Variants in CRPPA observed in about 807,000 individuals in gnomAD.
CRPPA encodes CDP-L-ribitol pyrophosphorylase A.
A neutral mutation model predicts 52.0 loss-of-function variants in CRPPA; 43 were observed. That is an observed-to-expected ratio of 0.83 (90% CI 0.65 to 1.07). CRPPA has a LOEUF of 1.07. Among genes scored for constraint, CRPPA ranks in the 50% least tolerant of loss-of-function variants. The probability of loss-of-function intolerance (pLI) is 0.00; values close to 1 mark genes in which losing one functional copy is unlikely to be tolerated. For synonymous variants in CRPPA, 250 were observed against 203.5 expected (o/e 1.23, Z -1.94); for missense variants, 629 against 551.7 (o/e 1.14, Z -1.40).
intron 2 of CRPPA, among the ~76,000 whole-genome samples, chr7:16,383,633 T>C (rs1482650037): frequency 6.6e-6 from 1 of 152,230 alleles, no homozygotes; most frequent in Non-Finnish European, 1.5e-5. Flanking sequence ...CTCCTTGAGC[T>C]GTGGTGGGCT....
At chr7:16,263,787 T>C (rs1415119728) in intron 6 of CRPPA, among the ~76,000 whole-genome samples, 1 of 151,866 alleles carries the variant, frequency 6.6e-6, no homozygotes, top group Non-Finnish European at 1.5e-5. Context: ...AATATAGATA[T>C]ATGGAAAGCA....
At chr7:16,232,029 C>A (rs1410608072) in intron 8 of CRPPA, among the ~76,000 whole-genome samples, 2 of 152,038 alleles carry the variant, frequency 1.3e-5, no homozygotes, top group African/African-American at 4.8e-5. Context: ...AGGTAGAGTA[C>A]CAGAGAGGAG....
At chr7:16,369,768 T>C (rs765563015) in intron 3 of CRPPA, among the ~76,000 whole-genome samples, 9 of 152,282 alleles carry the variant, frequency 5.9e-5, no homozygotes, top group Non-Finnish European at 1.2e-4. Context: ...CATTGTGATT[T>C]TTTTTTCCCC....
rs148115260 is a variant in CRPPA, at chr7:16,388,021, C to T, written c.535-11780G>A. On this transcript the variant is annotated intron_variant, in intron 2 of 9. Transcript: ENST00000407010. ...TGGGGGAGGCAAGGTCTTGCTCTGT[C>T]CCCCCAGGCTGGAGTCCGGTAGCAC... Among the ~76,000 whole-genome samples the T allele has an allele frequency of 8.4e-3, 1,271 of 152,206 alleles. 5 individuals are homozygous for T. The highest frequency in any genetic ancestry group is 0.014 in the Non-Finnish European group (947 of 68,002).
At chr7:16,279,641 G>A (rs1369813717) in intron 5 of CRPPA, among the ~76,000 whole-genome samples, 6 of 152,166 alleles carry the variant, frequency 3.9e-5, no homozygotes, top group Non-Finnish European at 5.9e-5. Flanking sequence ...GACAAGATCA[G>A]ATAACTCTAT....
intron 9 of CRPPA, among the ~76,000 whole-genome samples, chr7:16,202,598 G>C (rs1527223): frequency 0.72 from 109,468 of 151,928 alleles, 39,707 homozygotes; most frequent in Admixed American, 0.79. Context: ...ATAAGTAAAG[G>C]ATTTTGTGCC....
chr7:16,236,401 A>G (rs576741703), intron 8 of CRPPA, among the ~76,000 whole-genome samples: 2 of 152,200 alleles, frequency 1.3e-5, no homozygotes, highest in South Asian at 4.1e-4. Context: ...ATTTAAGTAA[A>G]ATTAAGTTCC....
intron 5 of CRPPA, among the ~76,000 whole-genome samples, chr7:16,299,841 A>G (rs939608330): frequency 6.6e-6 from 1 of 152,244 alleles, no homozygotes; most frequent in African/African-American, 2.4e-5. Flanking sequence ...ATAGGTTTTT[A>G]CATTTTTAAG....
chr7:16,399,638 A>C (rs1023077212), intron 2 of CRPPA, among the ~76,000 whole-genome samples: 25 of 151,876 alleles, frequency 1.6e-4, no homozygotes, highest in African/African-American at 6.1e-4. Context: ...TCGACACATG[A>C]TCGACATGTA....
chr7:16,388,420 T>G (rs190354586), intron 2 of CRPPA, among the ~76,000 whole-genome samples: 4 of 152,248 alleles, frequency 2.6e-5, no homozygotes, highest in Non-Finnish European at 5.9e-5. Context: ...GGAAAATGTA[T>G]AACTGTAAAT....
chr7:16,375,067 C>T (rs927549594), intron 3 of CRPPA, among the ~76,000 whole-genome samples: 4 of 152,196 alleles, frequency 2.6e-5, no homozygotes, highest in African/African-American at 9.6e-5. Flanking sequence ...CATCTGTGAC[C>T]TTCCAGTACC....
At chr7:16,197,337 AT>A (rs1781761827) in intron 9 of CRPPA, among the ~76,000 whole-genome samples, 1 of 152,050 alleles carries the variant, frequency 6.6e-6, no homozygotes, top group Non-Finnish European at 1.5e-5. Flanking sequence ...GAATCAGTAA[AT>A]TTTTTTCTTC....
At chr7:16,408,120 A>AT (rs1055784869) in intron 1 of CRPPA, among the ~76,000 whole-genome samples, 9 of 150,486 alleles carry the variant, frequency 6.0e-5, no homozygotes, top group South Asian at 4.2e-4. Flanking sequence ...AAAAAAAAAA[A>AT]ATAAAAAAAT....
At chr7:16,125,378 C>G (rs1782557862) in intron 9 of CRPPA, among the ~76,000 whole-genome samples, 1 of 151,818 alleles carries the variant, frequency 6.6e-6, no homozygotes, top group South Asian at 2.1e-4. Flanking sequence ...ATAAACAGTA[C>G]CAAGCATAGT....
chr7:16,177,276 A>T (rs979149204), intron 9 of CRPPA, among the ~76,000 whole-genome samples: 3 of 152,128 alleles, frequency 2.0e-5, no homozygotes, highest in Non-Finnish European at 2.9e-5. Context: ...GGTATTCTAG[A>T]TAGGTAGATT....
chr7:16,150,321 A>C (rs567267061), intron 9 of CRPPA, among the ~76,000 whole-genome samples: 1 of 152,312 alleles, frequency 6.6e-6, no homozygotes, highest in Non-Finnish European at 1.5e-5. Flanking sequence ...ATTTATTTTA[A>C]CTATTAAAAT....
At chr7:16,354,572 G>T (rs1486436900) in intron 3 of CRPPA, among the ~76,000 whole-genome samples, 1 of 152,106 alleles carries the variant, frequency 6.6e-6, no homozygotes, top group African/African-American at 2.4e-5. Context: ...AACTTACAAA[G>T]AAACTTGAGA....
In CRPPA at chr7:16,421,019, G is replaced by A. The variant is rs989215472; in HGVS notation, c.257+47C>T. On this transcript the variant is annotated intron_variant, in intron 1 of 9. Coordinates refer to ENST00000407010, the MANE Select transcript of CRPPA (RefSeq NM_001101426.4). ...AGAGCAGCGGCAGGGCGGGGAGCGG[G>A]AGGCCGGGCCCCAGGGAACCGCGGG... 26 of 1,261,304 alleles carry A rather than the reference G, an allele frequency of 2.1e-5. No individual in the cohort carries two copies. The African/African-American group carries it at 3.4e-4, about 17-fold the overall frequency. The allele number at this position is 1,261,304 out of a possible 1,614,324, so 78.1% of individuals were successfully genotyped here. A position where few individuals can be genotyped will look rare whatever the true frequency, so the allele number is the denominator to read the frequency against.
intron 2 of CRPPA, among the ~76,000 whole-genome samples, chr7:16,402,326 C>G (rs1787838662): frequency 6.6e-6 from 1 of 152,096 alleles, no homozygotes; most frequent in Non-Finnish European, 1.5e-5. Flanking sequence ...TAAAGTTGTT[C>G]CAAGTTAGTA....
Sources: gnomAD v4.1 joint callset for allele counts (sites outside exome capture counted in the v4.1 genomes callset) on GRCh38, gnomAD v4.1.1 for gene constraint, MANE v1.5 for transcripts, NCBI Gene and HGNC (gene_info 2026-07-23, HGNC 2026-07-21) for gene names.